TBC1D23: variants seen among roughly 807,000 people sequenced by gnomAD.
TBC1D23 encodes HCV non-structural protein 4A-transactivated protein 1.
TBC1D23 carries 55 observed loss-of-function variants against 91.4 expected under a neutral mutation model. That is an observed-to-expected ratio of 0.60 (90% CI 0.48 to 0.75). The LOEUF (loss-of-function observed/expected upper bound fraction) is 0.75, where lower values mean the gene tolerates loss of function less well. TBC1D23 is among the 30% of genes least tolerant of loss of function. TBC1D23 has a pLI of 0.00. For missense variants in TBC1D23, 725 were observed against 836.1 expected (o/e 0.87, Z 1.64); for synonymous variants, 289 against 281.0 (o/e 1.03, Z -0.28).
chr3:100,265,602 A>G (rs955242566), intron 1 of TBC1D23, among the ~76,000 whole-genome samples: 1 of 152,198 alleles, frequency 6.6e-6, no homozygotes, highest in Non-Finnish European at 1.5e-5. Flanking sequence ...ATTTTCCGAT[A>G]CTTTCTTCCC....
At chr3:100,310,328 C>T (rs1705604004) in intron 13 of TBC1D23, 75 bp from the exon 14 acceptor site, 2 of 1,312,578 alleles carry the variant, frequency 1.5e-6, no homozygotes, top group East Asian at 2.3e-5. Flanking sequence ...CAGTCTATAA[C>T]ATGTAGATAA....
At chr3:100,290,512 T>G in intron 4 of TBC1D23, 66 bp from the exon 5 acceptor site, 2 of 1,448,288 alleles carry the variant, frequency 1.4e-6, no homozygotes, top group South Asian at 1.2e-5. Flanking sequence ...AGCAGGAAGA[T>G]TGGTTACTGA....
At chr3:100,276,783 A>G (rs1394296108) in intron 1 of TBC1D23, among the ~76,000 whole-genome samples, 1 of 152,232 alleles carries the variant, frequency 6.6e-6, no homozygotes, top group Admixed American at 6.5e-5. Flanking sequence ...AGGAACCTGT[A>G]GTATTATACC....
intron 1 of TBC1D23, among the ~76,000 whole-genome samples, chr3:100,275,176 C>G (rs2067638693): frequency 6.6e-6 from 1 of 152,002 alleles, no homozygotes; most frequent in Non-Finnish European, 1.5e-5. Context: ...CTTTGTCAAC[C>G]TATGTTTTTT....
rs1305497156 is a variant in TBC1D23 at position 100,283,736 on chromosome 3, C to A, written c.401C>A (p.Pro134Gln). ...TSLSWIHLLK[P>Q]LVHLQLPRSD... Reference sequence around the variant, plus strand: ...CTTAGCTGGATACATCTACTGAAACCATTGGTGCATCTTCAACTGCCACGC... The same window carrying A: ...CTTAGCTGGATACATCTACTGAAACAATTGGTGCATCTTCAACTGCCACGC... Residue 134 changes from proline to glutamine, a missense_variant, in exon 4 of 19, where the codon CCA becomes CAA. By Grantham distance (76) the Pro-to-Gln change is moderately conservative. Transcript: ENST00000394144. 1 of 1,613,072 alleles carries A rather than the reference C, an allele frequency of 6.2e-7. No homozygotes were observed. The highest frequency in any genetic ancestry group is 8.5e-7 in the Non-Finnish European group (1 of 1,179,200).
chr3:100,314,232 G>A (rs1705688567), intron 15 of TBC1D23, among the ~76,000 whole-genome samples: 1 of 150,876 alleles, frequency 6.6e-6, no homozygotes, highest in Admixed American at 6.7e-5. Context: ...CCAAGTAGCT[G>A]GGACTACAGG....
At chr3:100,289,929 C>T (rs975538263) in intron 4 of TBC1D23, among the ~76,000 whole-genome samples, 1 of 152,088 alleles carries the variant, frequency 6.6e-6, no homozygotes, top group East Asian at 1.9e-4. Flanking sequence ...TTTTAAAAAG[C>T]CTTTAGATAA....
At chr3:100,269,640 G>A (rs998269466) in intron 1 of TBC1D23, among the ~76,000 whole-genome samples, 6 of 152,182 alleles carry the variant, frequency 3.9e-5, no homozygotes, top group African/African-American at 7.2e-5. Context: ...TGAATCTGTA[G>A]CAAAGTTTTC....
At chr3:100,308,342 G>T (rs1053692237) in intron 13 of TBC1D23, among the ~76,000 whole-genome samples, 1 of 152,088 alleles carries the variant, frequency 6.6e-6, no homozygotes, top group African/African-American at 2.4e-5. Context: ...GGGCGTGGTG[G>T]CAGGCGCCTG....
At chr3:100,311,583 T>C (rs1470471288) in intron 14 of TBC1D23, among the ~76,000 whole-genome samples, 1 of 152,194 alleles carries the variant, frequency 6.6e-6, no homozygotes, top group Non-Finnish European at 1.5e-5. Context: ...AGCATGAACA[T>C]TTACAATTTT....
Position 100,295,100 on chromosome 3 carries a change from T to C in TBC1D23, c.614T>C (p.Phe205Ser). ...TCCTGATTACAGCTTGGAAGTCTTT[T>C]TGCATGTTACTGTTCCACTGAAGTC... is the stretch of plus-strand genomic sequence containing the variant. ...SYALNWLGSL[F>S]ACYCSTEVTQ... Residue 205 changes from phenylalanine (F) to serine (S), a missense_variant, in exon 6 of 19, where the codon TTT becomes TCT. Transcript: ENST00000394144. 2 of 1,588,370 alleles carry C rather than the reference T, an allele frequency of 1.3e-6. No individual in the cohort carries two copies. The highest frequency in any genetic ancestry group is 1.7e-6 in the Non-Finnish European group (2 of 1,171,796).
chr3:100,297,970 T>A lies in TBC1D23; in HGVS notation c.924T>A (p.Asp308Glu), dbSNP rs762410153. The change falls in exon 9 of 19, where the codon GAT becomes GAA. Residue 308 changes from aspartate (D) to glutamate (E), a missense_variant. Transcript: ENST00000394144. ...FGSTLLGIKD[D>E]DADLSQALCL... is the part of the protein sequence containing the mutation. ...GTACTTTGTTGGGAATTAAGGATGA[T>A]GATGCAGATCTGAGTCAGGCTCTTT... 10 of 1,612,766 alleles carry A rather than the reference T, an allele frequency of 6.2e-6. No homozygotes were observed. The highest frequency in any genetic ancestry group is 8.5e-6 in the Non-Finnish European group (10 of 1,179,006).
chr3:100,268,251 C>T (rs1054732476), intron 1 of TBC1D23, among the ~76,000 whole-genome samples: 1 of 152,062 alleles, frequency 6.6e-6, no homozygotes, highest in African/African-American at 2.4e-5. Context: ...CTTTGTGATG[C>T]AAAAGATTTA....
chr3:100,274,848 T>C (rs1280476976), intron 1 of TBC1D23, among the ~76,000 whole-genome samples: 8 of 148,952 alleles, frequency 5.4e-5, no homozygotes, highest in Non-Finnish European at 1.2e-4. Flanking sequence ...ATGATAAATA[T>C]ATAATATTTG....
At chr3:100,262,745 A>AAC (rs71132517) in intron 1 of TBC1D23, among the ~76,000 whole-genome samples, 7 of 150,238 alleles carry the variant, frequency 4.7e-5, no homozygotes, top group African/African-American at 1.2e-4. Context: ...AAAAAAAAAA[A>AAC]CACTAAAAAG....
intron 10 of TBC1D23, among the ~76,000 whole-genome samples, chr3:100,300,606 A>T (rs778921219): frequency 6.8e-6 from 1 of 148,054 alleles, no homozygotes; most frequent in Non-Finnish European, 1.5e-5. Flanking sequence ...GGTTCTGGCG[A>T]TTCCCTAGCC....
At chr3:100,312,862 CTA>C (rs1365108507) in intron 15 of TBC1D23, among the ~76,000 whole-genome samples, 1 of 152,040 alleles carries the variant, frequency 6.6e-6, no homozygotes, top group African/African-American at 2.4e-5. Flanking sequence ...CTCTCTAAGA[CTA>C]TACTTTCAGC....
intron 1 of TBC1D23, among the ~76,000 whole-genome samples, chr3:100,278,080 C>T (rs61095099): frequency 0.24 from 35,993 of 151,990 alleles, 4,688 homozygotes; most frequent in East Asian, 0.49. Flanking sequence ...AGGAGAGCAA[C>T]GCTTTATGAA....
intron 1 of TBC1D23, among the ~76,000 whole-genome samples, chr3:100,271,096 AC>A (rs1314664456): frequency 5.3e-5 from 8 of 152,106 alleles, no homozygotes; most frequent in African/African-American, 1.9e-4. Flanking sequence ...TTTTTTTCCA[AC>A]CCAGAAAACA....
Sources: gnomAD v4.1 joint callset for allele counts (sites outside exome capture counted in the v4.1 genomes callset) on GRCh38, gnomAD v4.1.1 for gene constraint, MANE v1.5 for transcripts, NCBI Gene and HGNC (gene_info 2026-07-23, HGNC 2026-07-21) for gene names.